The following FSD1 variants were observed in gnomAD, a reference collection of about 807,000 sequenced individuals.
FSD1 encodes the protein fibronectin type III and SPRY domain-containing protein 1.
Under a neutral mutation model 58.2 loss-of-function variants are expected in FSD1, and 23 were observed. That is an observed-to-expected ratio of 0.40 (90% CI 0.28 to 0.56). The LOEUF (loss-of-function observed/expected upper bound fraction) is 0.56, where lower values mean the gene tolerates loss of function less well. Ranked by LOEUF, FSD1 falls within the 20% of genes least tolerant of loss-of-function variation. The pLI, the probability that FSD1 is intolerant of heterozygous loss-of-function variation, is 0.54. For missense variants in FSD1, 563 were observed against 670.8 expected (o/e 0.84, Z 1.78); for synonymous variants, 265 against 263.4 (o/e 1.01, Z -0.06).
At chr19:4,312,537 C>T (rs2144761144) in intron 7 of FSD1, among the ~76,000 whole-genome samples, 1 of 151,600 alleles carries the variant, frequency 6.6e-6, no homozygotes, top group South Asian at 2.1e-4. Flanking sequence ...GGCGCGGTAG[C>T]TCACGCCTGT....
In FSD1 at chr19:4,323,025, T is replaced by C. The variant is rs758593665; in HGVS notation, c.1079T>C (p.Val360Ala). Residue 360 changes from valine to alanine, a missense_variant, in exon 11 of 13, where the codon GTG becomes GCG. Transcript: ENST00000221856. This position sits in a 1 kb window ranked among gnomAD's most constrained non-coding sequence, Gnocchi z 7.7. ...LIDGGEHYWE[V>A]RYEPDSKAFG... ...GACGGCGGGGAGCATTACTGGGAGG[T>C]GCGCTACGAGCCGGACAGCAAGGCG... 2.5e-6 allele frequency: 4 copies of C among 1,610,466 alleles called. No individual in the cohort carries two copies. The highest frequency in any genetic ancestry group is 1.7e-5 in the Admixed American group (1 of 59,738).
At position 4,323,553 on chromosome 19, in the gene FSD1, G is replaced by C. The variant is rs747507912; in HGVS notation, c.1401G>C (p.Gln467His). 1 of 1,612,384 alleles carries C rather than the reference G, an allele frequency of 6.2e-7. No homozygotes were observed. Among genetic ancestry groups the C allele is most frequent in the South Asian group, 1.1e-5 (1 of 90,948 alleles). ...CTCAGGTATGGTGTGGCAGCTTCCA[G>C]GTGACGACAGGCCTGCAGGTCCCCA... ...PAFTVWCGSF[Q>H]VTTGLQVPSA... The change falls in exon 13 of 13, where the codon CAG becomes CAC. Residue 467 changes from glutamine (Q) to histidine (H), a missense_variant. Coordinates refer to ENST00000221856, the MANE Select transcript of FSD1 (RefSeq NM_024333.3). This position sits in a 1 kb window ranked among gnomAD's most constrained non-coding sequence, Gnocchi z 7.7.
At chr19:4,322,956 C>G in intron 10 of FSD1, 30 bp from the exon 11 acceptor site, 1 of 1,592,120 alleles carries the variant, frequency 6.3e-7, no homozygotes, top group Non-Finnish European at 8.6e-7. Flanking sequence ...ATCCAGTTCC[C>G]CTGCCCACCC....
intron 4 of FSD1, among the ~76,000 whole-genome samples, chr19:4,308,397 G>A (rs1367631324): frequency 6.6e-6 from 1 of 152,116 alleles, no homozygotes; most frequent in Non-Finnish European, 1.5e-5. Context: ...AACAGAGGGA[G>A]ACTTCATCTC....
intron 7 of FSD1, among the ~76,000 whole-genome samples, chr19:4,316,038 A>T (rs1212438007): frequency 6.6e-6 from 1 of 151,624 alleles, no homozygotes; most frequent in Admixed American, 6.6e-5. Flanking sequence ...ATGTGCTGGG[A>T]TTACAGGCGT....
In FSD1 at chr19:4,310,309, G is replaced by C; in HGVS notation, c.368+14G>C. Reference sequence around the variant, plus strand: ...AATCAAAGATGGGTAAGACACTGGGGTCTGGCCCCCACCCCACTACCCTGC... The same window carrying C: ...AATCAAAGATGGGTAAGACACTGGGCTCTGGCCCCCACCCCACTACCCTGC... On this transcript the variant is annotated intron_variant, in intron 5 of 12. Coordinates refer to ENST00000221856, the MANE Select transcript of FSD1 (RefSeq NM_024333.3). 1 of 1,614,084 alleles carries C rather than the reference G, an allele frequency of 6.2e-7. No homozygotes were observed. The highest frequency in any genetic ancestry group is 8.5e-7 in the Non-Finnish European group (1 of 1,179,902).
intron 3 of FSD1, 87 bp downstream of exon 3, chr19:4,306,416 G>T (rs1347309324): frequency 7.2e-7 from 1 of 1,392,506 alleles, no homozygotes; most frequent in Non-Finnish European, 1.0e-6. Flanking sequence ...CAAAAACTGG[G>T]TGCTCTCGAG....
intron 1 of FSD1, among the ~76,000 whole-genome samples, chr19:4,305,235 C>T (rs1467257395): frequency 6.6e-6 from 1 of 150,486 alleles, no homozygotes; most frequent in African/African-American, 2.5e-5. Context: ...CCTCCCTGCC[C>T]CCTCCCCGCT....
chr19:4,321,685 C>T (rs1261281943), intron 10 of FSD1, among the ~76,000 whole-genome samples: 1 of 151,424 alleles, frequency 6.6e-6, no homozygotes, highest in East Asian at 1.9e-4. Flanking sequence ...GAGGGAATAG[C>T]TGGGACCCAA....
chr19:4,312,772 T>C (rs577579767), intron 7 of FSD1, among the ~76,000 whole-genome samples: 2 of 151,772 alleles, frequency 1.3e-5, no homozygotes, highest in African/African-American at 4.8e-5. Flanking sequence ...GCCACTGCAC[T>C]CCAGCCTGGG....
chr19:4,320,736 G>A (rs973221998), intron 10 of FSD1, among the ~76,000 whole-genome samples: 5 of 152,036 alleles, frequency 3.3e-5, no homozygotes, highest in African/African-American at 4.8e-5. Context: ...AGTATCTGGG[G>A]GGAAAAGCTG....
chr19:4,318,780 C>T (rs977939026), intron 9 of FSD1, 92 bp from the exon 10 acceptor site: 62 of 1,023,758 alleles, frequency 6.1e-5, no homozygotes, highest in East Asian at 2.6e-4. Flanking sequence ...CCAACATCCA[C>T]GGTGGCTGGG....
At chr19:4,319,022 AC>A in intron 10 of FSD1, 71 bp downstream of exon 10, 2 of 1,257,314 alleles carry the variant, frequency 1.6e-6, no homozygotes, top group Non-Finnish European at 1.2e-6. Context: ...TTGAGGGAGA[AC>A]CTTTGCCTTT....
chr19:4,306,248 C>G lies in FSD1; in HGVS notation c.162C>G (p.Leu54=). 1 of 1,614,066 alleles carries G rather than the reference C, an allele frequency of 6.2e-7. No individual in the cohort carries two copies. The highest frequency in any genetic ancestry group is 1.1e-5 in the South Asian group (1 of 91,088). ...ACCTCGAAGCAGAGTTCCAGTCCCT[C>G]TTCTCCCTCCTGGAGGAGCTGAAAG... ...QEDLEAEFQS[L]FSLLEELKEG... is the part of the protein sequence containing the mutation. The change falls in exon 3 of 13, where the codon CTC becomes CTG. Residue 54 remains leucine, a synonymous_variant. Coordinates refer to ENST00000221856, the MANE Select transcript of FSD1 (RefSeq NM_024333.3).
In FSD1 at chr19:4,317,219, G is replaced by C; in HGVS notation, c.738G>C (p.Val246=). The part of the protein sequence containing the change: ...KFDMKYMNFR[V]KACNKAVAGE... ...ACATGAAATACATGAACTTCCGTGTGAAGGCCTGTAACAAGGCAGTTGCAG... is the reference window on the plus strand; with the variant it reads ...ACATGAAATACATGAACTTCCGTGTCAAGGCCTGTAACAAGGCAGTTGCAG... The change falls in exon 8 of 13, where the codon GTG becomes GTC. Residue 246 remains valine, a synonymous_variant. Coordinates refer to ENST00000221856, the MANE Select transcript of FSD1 (RefSeq NM_024333.3). 6.2e-7 allele frequency: 1 copy of C among 1,613,196 alleles called. No homozygotes were observed. Among genetic ancestry groups the C allele is most frequent in the Non-Finnish European group, 8.5e-7 (1 of 1,179,256 alleles).
intron 8 of FSD1, among the ~76,000 whole-genome samples, chr19:4,317,632 C>T (rs1176370224): frequency 7.9e-5 from 12 of 152,198 alleles, no homozygotes; most frequent in Admixed American, 7.9e-4. Flanking sequence ...GGAAGTCCCT[C>T]TGAAATCTAG....
rs1322566994 is a variant in FSD1 at position 4,323,293 on chromosome 19, C to G, written c.1292-55C>G. 1.2e-6 allele frequency: 2 copies of G among 1,609,218 alleles called. No homozygotes were observed. Among genetic ancestry groups the G allele is most frequent in the Non-Finnish European group, 1.7e-6 (2 of 1,178,532 alleles). ...CTGCCCCTGCCTGAGTCCCCTCCGTCTGCCCCCATCCCACTTCTGACCGGT... is the reference window on the plus strand; with the variant it reads ...CTGCCCCTGCCTGAGTCCCCTCCGTGTGCCCCCATCCCACTTCTGACCGGT... On this transcript the variant is annotated intron_variant, in intron 11 of 12. Transcript: ENST00000221856. The surrounding 1 kb of genome is among the most constrained non-coding windows in gnomAD (Gnocchi z 7.7).
intron 6 of FSD1, chr19:4,311,463 C>G (rs1452242718): frequency 4.8e-6 from 1 of 206,520 alleles, no homozygotes; most frequent in African/African-American, 2.3e-5. Context: ...GGGTGGATCA[C>G]TTGAGGTCAG....
chr19:4,318,392 G>A lies in FSD1; in HGVS notation c.846G>A (p.Arg282=), dbSNP rs1377701581. Residue 282 remains arginine (R), a synonymous_variant, in exon 9 of 13, where the codon CGG becomes CGA. Transcript: ENST00000221856. The part of the protein sequence containing the change: ...LDASTSHQNL[R]VDDLSVEWDA... The stretch of plus-strand genomic sequence containing the variant: ...CGTCCACATCCCACCAGAACCTGCG[G>A]GTGGATGATCTCTCCGTGGAGTGGG... 1 of 1,613,890 alleles carries A rather than the reference G, an allele frequency of 6.2e-7. No homozygotes were observed.
Sources: gnomAD v4.1 joint callset for allele counts (sites outside exome capture counted in the v4.1 genomes callset) on GRCh38, gnomAD v4.1.1 for gene constraint, Gnocchi (gnomAD v3.1) non-coding constraint, MANE v1.5 for transcripts, NCBI Gene and HGNC (gene_info 2026-07-23, HGNC 2026-07-21) for gene names.